The following CR1 variants were observed in gnomAD, a reference collection of about 807,000 sequenced individuals.
CR1 encodes the protein complement receptor type 1.
CR1 carries 116 observed loss-of-function variants against 187.3 expected under a neutral mutation model. The ratio of observed to expected loss-of-function variants is 0.62; its 90% CI spans 0.53 to 0.72. The LOEUF is 0.72. Among genes scored for constraint, CR1 ranks in the 30% least tolerant of loss-of-function variants. The pLI is 0.00. For synonymous variants in CR1, 576 were observed against 747.1 expected (o/e 0.77, Z 3.73); for missense variants, 1,731 against 2,110.7 (o/e 0.82, Z 3.52).
At chr1:207,515,143 A>ATATATG (rs1659753980) in intron 4 of CR1, among the ~76,000 whole-genome samples, 1 of 122,766 alleles carries the variant, frequency 8.1e-6, no homozygotes, top group African/African-American at 2.9e-5. Flanking sequence ...ATATACGTGT[A>ATATATG]TACGTATATA....
chr1:207,637,427 G>A (rs1319805012), intron 46 of CR1, among the ~76,000 whole-genome samples: 2 of 152,004 alleles, frequency 1.3e-5, no homozygotes, highest in South Asian at 2.1e-4. Flanking sequence ...GATCCTTTGG[G>A]AATTTCCTTG....
At chr1:207,574,852 AT>A (rs1328983076) in intron 27 of CR1, among the ~76,000 whole-genome samples, 1 of 152,242 alleles carries the variant, frequency 6.6e-6, no homozygotes, top group Non-Finnish European at 1.5e-5. Flanking sequence ...TAATTTCCAA[AT>A]TATTAGAATA....
intron 39 of CR1, 79 bp downstream of exon 39, chr1:207,612,120 G>A: frequency 7.1e-7 from 1 of 1,410,682 alleles, no homozygotes; most frequent in South Asian, 1.2e-5. Flanking sequence ...ATCCAATTAA[G>A]GAGCTGACCT....
chr1:207,634,463 G>C (rs55760434), intron 46 of CR1, among the ~76,000 whole-genome samples: 3,053 of 152,272 alleles, frequency 0.02, 120 homozygotes, highest in African/African-American at 0.07. Context: ...GTGCACCCAG[G>C]TTCTGGGGCG....
intron 35 of CR1, among the ~76,000 whole-genome samples, chr1:207,595,539 A>C (rs1661405440): frequency 1.3e-5 from 2 of 152,140 alleles, no homozygotes; most frequent in Admixed American, 1.3e-4. Context: ...TGTAACACTA[A>C]GTAGTAGAAG....
At chr1:207,634,956 T>A (rs539308530) in intron 46 of CR1, among the ~76,000 whole-genome samples, 1 of 152,224 alleles carries the variant, frequency 6.6e-6, no homozygotes, top group African/African-American at 2.4e-5. Flanking sequence ...CACTTTTTCT[T>A]TGGACAAAAT....
In CR1 at chr1:207,620,010, G is replaced by C. The variant is rs867358083; in HGVS notation, c.7197G>C (p.Trp2399Cys). 11 of 1,613,702 alleles carry C rather than the reference G, an allele frequency of 6.8e-6. No homozygotes were observed. The African/African-American group carries it at 1.2e-4, about 18-fold the overall frequency. ...GGTATACTCTGGAAGGCAGTCCCTG[G>C]AGCCAGTGCCAGGCGGATGACAGAT... is the stretch of plus-strand genomic sequence containing the variant. ...EDGYTLEGSP[W>C]SQCQADDRWD... is the part of the protein sequence containing the mutation. The change falls in exon 43 of 47, where the codon TGG (tryptophan) becomes TGC (cysteine). Residue 2399 changes from tryptophan (W) to cysteine (C), a missense_variant. Trp to Cys is a radical substitution (Grantham distance 215, BLOSUM62 -2). This residue lies in a region of CR1 where 1,312 missense variants were observed against 1,379.6 expected (regional missense o/e 0.95). Transcript: ENST00000367049.
intron 4 of CR1, among the ~76,000 whole-genome samples, chr1:207,514,850 A>G (rs2102293466): frequency 6.6e-6 from 1 of 151,750 alleles, no homozygotes. Context: ...GGTTTATATA[A>G]GATTGGCATT....
At position 207,502,890 on chromosome 1, in the gene CR1, C is replaced by T. The variant is rs541734500; in HGVS notation, c.122-3014C>T. Among the ~76,000 whole-genome samples, 10 of 152,258 alleles carry T rather than the reference C, an allele frequency of 6.6e-5. No homozygotes were observed. The East Asian group carries it at 1.9e-3, about 29-fold the overall frequency. On this transcript the variant is annotated intron_variant, in intron 1 of 46. Coordinates refer to ENST00000367049, the MANE Select transcript of CR1 (RefSeq NM_000651.6). Reference sequence around the variant, plus strand: ...AGCTCATGAGATGCAGATGAGAAGTCCCAGGCTGAATCCGGGGCACATTCA... The same window carrying T: ...AGCTCATGAGATGCAGATGAGAAGTTCCAGGCTGAATCCGGGGCACATTCA...
At chr1:207,635,013 C>T (rs1348376728) in intron 46 of CR1, among the ~76,000 whole-genome samples, 1 of 152,188 alleles carries the variant, frequency 6.6e-6, no homozygotes, top group Non-Finnish European at 1.5e-5. Flanking sequence ...CTGTTTTCTA[C>T]TAATGTCTCC....
chr1:207,624,436 T>C (rs1662419563), intron 45 of CR1, among the ~76,000 whole-genome samples: 1 of 152,180 alleles, frequency 6.6e-6, no homozygotes, highest in African/African-American at 2.4e-5. Context: ...TTGTAACTTT[T>C]AAGTGAACGG....
chr1:207,621,841 G>A, intron 43 of CR1, 132 bp from the exon 44 acceptor site: 1 of 565,810 alleles, frequency 1.8e-6, no homozygotes, highest in Non-Finnish European at 3.0e-6. Flanking sequence ...GAAACCAATG[G>A]CTTTTTGCAT....
intron 45 of CR1, among the ~76,000 whole-genome samples, chr1:207,627,614 T>C (rs895377740): frequency 1.3e-5 from 2 of 152,116 alleles, no homozygotes; most frequent in African/African-American, 4.8e-5. Flanking sequence ...ACTGGGTGGA[T>C]TCAATAAGCA....
At chr1:207,511,082 A>C (rs1362489622) in intron 3 of CR1, among the ~76,000 whole-genome samples, 1 of 151,998 alleles carries the variant, frequency 6.6e-6, no homozygotes, top group Non-Finnish European at 1.5e-5. Flanking sequence ...TCAGCCCCCC[A>C]AAGTGCTGGA....
chr1:207,615,262 C>G (rs1662059507), intron 40 of CR1, among the ~76,000 whole-genome samples: 5 of 152,066 alleles, frequency 3.3e-5, no homozygotes, highest in Admixed American at 3.3e-4. Flanking sequence ...GTGAAGACAC[C>G]TCCCTACTTT....
At chr1:207,587,300 C>T (rs924988264) in intron 33 of CR1, 86 bp from the exon 34 acceptor site, 7 of 1,139,740 alleles carry the variant, frequency 6.1e-6, no homozygotes, top group Non-Finnish European at 7.5e-6. Flanking sequence ...TTCTGTGATC[C>T]ACCTATCAGC....
chr1:207,564,528 G>T (rs946152211), intron 23 of CR1, among the ~76,000 whole-genome samples: 3 of 150,204 alleles, frequency 2.0e-5, no homozygotes, highest in Non-Finnish European at 4.4e-5. Flanking sequence ...AGCCAGGCAC[G>T]GTGGCTCACG....
chr1:207,521,992 T>C (rs1660013285), intron 4 of CR1, among the ~76,000 whole-genome samples: 1 of 152,034 alleles, frequency 6.6e-6, no homozygotes, highest in South Asian at 2.1e-4. Context: ...TAGTTTCTAG[T>C]TCTTACAAGT....
At chr1:207,616,462 T>C in intron 40 of CR1, 113 bp from the exon 41 acceptor site, 1 of 1,281,626 alleles carries the variant, frequency 7.8e-7, no homozygotes, top group Non-Finnish European at 1.1e-6. Flanking sequence ...CTACCTTAGT[T>C]ATATTCTTTC....
Sources: allele counts gnomAD v4.1 joint callset (sites outside exome capture counted in the v4.1 genomes callset), GRCh38; gene constraint gnomAD v4.1.1; regional missense constraint gnomAD v4.1.1; transcripts MANE v1.5; gene names NCBI Gene and HGNC (gene_info 2026-07-23, HGNC 2026-07-21).